IGFL2: variants seen among roughly 807,000 people sequenced by gnomAD.
The protein encoded by IGFL2 is insulin growth factor-like family member 2.
In IGFL2, 7 loss-of-function variants were observed where a neutral mutation model predicts 13.9. That is an observed-to-expected ratio of 0.51 (90% CI 0.29 to 0.95). The LOEUF is 0.95. Ranked by LOEUF, IGFL2 falls within the 40% of genes least tolerant of loss-of-function variation. The pLI is 0.08. For missense variants in IGFL2, 138 were observed against 147.8 expected (o/e 0.93, Z 0.34); for synonymous variants, 55 against 55.8 (o/e 0.99, Z 0.07).
chr19:46,149,156 CTCTCTTCTCTCTCTCTCTCT>C (rs1973311751), intron 1 of IGFL2: 1 of 699,020 alleles, frequency 1.4e-6, no homozygotes, highest in Admixed American at 2.2e-5. Context: ...CTCTCCCTCT[CTCTCTTCTCTCTCTCTCTCT>C]TCTCTCTCTC....
chr19:46,149,149 TCCCTCTCTCTCTTCTC>T (rs775080938), intron 1 of IGFL2: 1 of 218,456 alleles, frequency 4.6e-6, no homozygotes, highest in Non-Finnish European at 1.2e-5. Context: ...TCTCTCTCTC[TCCCTCTCTCTCTTCTC>T]TCTCTCTCTC....
chr19:46,174,173 T>C, the IGFL2 span: 1 of 152,166 alleles, frequency 6.6e-6, no homozygotes, highest in Non-Finnish European at 1.5e-5. Flanking sequence ...AAAGCACAAG[T>C]GAGCTATCAC....
At chr19:46,147,372 C>T (rs757133013), upstream of IGFL2, among the ~76,000 whole-genome samples, 3 of 152,178 alleles carry the variant, frequency 2.0e-5, no homozygotes. Flanking sequence ...CCCTTAGTTA[C>T]CCTCTCCCAA....
At chr19:46,094,116 G>T in the IGFL2 span, among the ~76,000 whole-genome samples, 1 of 140,252 alleles carries the variant, frequency 7.1e-6, no homozygotes, top group African/African-American at 2.6e-5. Flanking sequence ...AAAGGCCAAA[G>T]AACTAGAATA....
At chr19:46,092,066 C>T in the IGFL2 span, among the ~76,000 whole-genome samples, 3 of 152,172 alleles carry the variant, frequency 2.0e-5, no homozygotes, top group African/African-American at 7.2e-5. Flanking sequence ...ACCTGGATTT[C>T]AAGATAAGTT....
chr19:46,098,472 C>A, the IGFL2 span, among the ~76,000 whole-genome samples: 1 of 147,476 alleles, frequency 6.8e-6, no homozygotes, highest in Non-Finnish European at 1.5e-5. Flanking sequence ...CATTGCCAAT[C>A]TGTGTCTTTT....
intron 1 of IGFL2, among the ~76,000 whole-genome samples, chr19:46,157,912 A>G (rs1490900893): frequency 1.3e-5 from 2 of 152,228 alleles, no homozygotes; most frequent in Non-Finnish European, 2.9e-5. Flanking sequence ...ATGTACTCCT[A>G]TAACTAATAA....
the IGFL2 span, among the ~76,000 whole-genome samples, chr19:46,205,621 CT>C: frequency 1.4e-5 from 2 of 145,490 alleles, no homozygotes; most frequent in African/African-American, 5.2e-5. Context: ...AGAGAGAGAG[CT>C]GTTCTTCTTT....
rs193154693 is a variant in IGFL2 at position 46,155,477 on chromosome 19, T to G, written c.20-4938T>G. On this transcript the variant is annotated intron_variant, in intron 1 of 3. Transcript: ENST00000377693. ...TGAGTGGAATTTCTTGAATAAACAT[T>G]TCTTTATTTGCTGTATGCCCTTAGG... Among the ~76,000 whole-genome samples the G allele has an allele frequency of 1.7e-4, 26 of 152,276 alleles. No homozygotes were observed. The East Asian group carries it at 5.0e-3, about 29-fold the overall frequency.
At chr19:46,092,493 T>C in the IGFL2 span, among the ~76,000 whole-genome samples, 1 of 151,960 alleles carries the variant, frequency 6.6e-6, no homozygotes, top group African/African-American at 2.4e-5. Context: ...TTAGCTGGGC[T>C]TGGTGATGTG....
intron 1 of IGFL2, among the ~76,000 whole-genome samples, chr19:46,151,763 A>C (rs888792248): frequency 1.3e-5 from 2 of 152,130 alleles, no homozygotes; most frequent in Admixed American, 6.5e-5. Flanking sequence ...AATGCAAAAA[A>C]TTAGCCAGGC....
downstream of IGFL2, among the ~76,000 whole-genome samples, chr19:46,161,904 A>G (rs1302047816): frequency 6.6e-6 from 1 of 152,118 alleles, no homozygotes; most frequent in Non-Finnish European, 1.5e-5. Flanking sequence ...TGGTTGCTTT[A>G]TAGTGACACT....
At chr19:46,086,741 A>C in the IGFL2 span, among the ~76,000 whole-genome samples, 1 of 152,212 alleles carries the variant, frequency 6.6e-6, no homozygotes, top group Non-Finnish European at 1.5e-5. Flanking sequence ...ATCTGGTGTA[A>C]GAGTGGCTTC....
chr19:46,171,710 G>A, the IGFL2 span, among the ~76,000 whole-genome samples: 1 of 152,138 alleles, frequency 6.6e-6, no homozygotes. Flanking sequence ...AGGAGAAAAT[G>A]CGAGTACACT....
the IGFL2 span, chr19:46,136,884 T>C: frequency 1.3e-6 from 1 of 775,764 alleles, no homozygotes. Flanking sequence ...ACTCTGTGTA[T>C]TGGTACTTGG....
the IGFL2 span, among the ~76,000 whole-genome samples, chr19:46,201,736 G>T: frequency 6.6e-6 from 1 of 152,282 alleles, no homozygotes; most frequent in African/African-American, 2.4e-5. Flanking sequence ...GGTTAAGGTT[G>T]GGGGATACAA....
At chr19:46,212,692 C>A in the IGFL2 span, 1 of 150,684 alleles carries the variant, frequency 6.6e-6, no homozygotes, top group Non-Finnish European at 1.5e-5. Context: ...TAACCAAAAT[C>A]AGGAGTTTTA....
chr19:46,189,031 A>T, the IGFL2 span: 2 of 153,686 alleles, frequency 1.3e-5, no homozygotes, highest in Non-Finnish European at 2.9e-5. Flanking sequence ...CCAAGAGATA[A>T]AAGAAAAAAC....
the IGFL2 span, among the ~76,000 whole-genome samples, chr19:46,099,533 CT>C: frequency 1.5e-3 from 216 of 142,258 alleles, no homozygotes; most frequent in Middle Eastern, 3.6e-3. Context: ...TTCTTTCTTT[CT>C]TTTTTTTTTT....
Sources: allele counts gnomAD v4.1 joint callset (sites outside exome capture counted in the v4.1 genomes callset), GRCh38; gene constraint gnomAD v4.1.1; transcripts MANE v1.5; gene names NCBI Gene and HGNC (gene_info 2026-07-23, HGNC 2026-07-21).